The following CXXC4 variants were observed in gnomAD, a reference collection of about 807,000 sequenced individuals.
The protein encoded by CXXC4 is CXXC-type zinc finger protein 4.
In CXXC4, 5 loss-of-function variants were observed where a neutral mutation model predicts 20.5. The ratio of observed to expected loss-of-function variants is 0.24; its 90% CI spans 0.13 to 0.51. The LOEUF (loss-of-function observed/expected upper bound fraction) is 0.51, where lower values mean the gene tolerates loss of function less well. CXXC4 is among the 20% of genes least tolerant of loss of function. The pLI, the probability that CXXC4 is intolerant of heterozygous loss-of-function variation, is 0.97. For synonymous variants in CXXC4, 250 were observed against 216.4 expected, an observed-to-expected ratio of 1.16 and a Z score of -1.36; for missense variants, 419 against 496.4, an observed-to-expected ratio of 0.84 and a Z score of 1.48.
rs1016313216 is a variant in CXXC4 at position 104,487,182 on chromosome 4, C to G, written c.1059+3562G>C. On this transcript the variant is annotated intron_variant, in intron 2 of 2. Coordinates refer to ENST00000394767, the MANE Select transcript of CXXC4 (RefSeq NM_025212.4). ...ATGTCTTCACTATAACCTGCTCTCTCTAGTTTCTTCTCCAGCTCAAGGAAA... is the reference window on the plus strand; with the variant it reads ...ATGTCTTCACTATAACCTGCTCTCTGTAGTTTCTTCTCCAGCTCAAGGAAA... Among the ~76,000 whole-genome samples the G allele has an allele frequency of 7.2e-5, 11 of 152,234 alleles. No individual in the cohort carries two copies. In the East Asian group the frequency reaches 1.9e-3, roughly 27 times the overall value.
At chr4:104,473,056 C>CT (rs1444449171) in intron 2 of CXXC4, among the ~76,000 whole-genome samples, 7 of 151,450 alleles carry the variant, frequency 4.6e-5, no homozygotes, top group African/African-American at 1.7e-4. Context: ...ATAGAAATCA[C>CT]AATATATATA....
At chr4:104,478,878 AAG>A (rs1448496178) in intron 2 of CXXC4, among the ~76,000 whole-genome samples, 1 of 152,088 alleles carries the variant, frequency 6.6e-6, no homozygotes, top group African/African-American at 2.4e-5. Context: ...CTATACTTTC[AAG>A]AATGATTGAA....
chr4:104,484,758 C>A (rs1736640776), intron 2 of CXXC4, among the ~76,000 whole-genome samples: 1 of 152,042 alleles, frequency 6.6e-6, no homozygotes, highest in African/African-American at 2.4e-5. Flanking sequence ...AAGTCTTCAA[C>A]ATTATTAAAT....
intron 2 of CXXC4, among the ~76,000 whole-genome samples, chr4:104,484,307 T>C (rs1362693094): frequency 1.3e-5 from 2 of 152,034 alleles, no homozygotes; most frequent in African/African-American, 2.4e-5. Flanking sequence ...GTACCTAACA[T>C]TGTTCAACTA....
chr4:104,474,626 G>A (rs1467580690), intron 2 of CXXC4, among the ~76,000 whole-genome samples: 1 of 151,818 alleles, frequency 6.6e-6, no homozygotes, highest in Non-Finnish European at 1.5e-5. Context: ...TAGATCTATG[G>A]TTACAGATTC....
At chr4:104,485,064 A>C (rs1736648486) in intron 2 of CXXC4, among the ~76,000 whole-genome samples, 1 of 152,092 alleles carries the variant, frequency 6.6e-6, no homozygotes, top group Non-Finnish European at 1.5e-5. Context: ...CAAAATTCTC[A>C]AAATTTACAT....
In CXXC4 at chr4:104,491,871, A is replaced by T; in HGVS notation, c.-69T>A. 9.1e-6 allele frequency: 3 copies of T among 331,146 alleles called. No individual in the cohort carries two copies. Among genetic ancestry groups the T allele is most frequent in the Non-Finnish European group, 7.2e-6 (2 of 278,234 alleles). The allele number at this position is 331,146 out of a possible 1,614,324, so 20.5% of individuals were successfully genotyped here. ...GCCTGGTCCGACACCTGGGTGGAAA[A>T]GGGGGAAAGGTGGGGGGGAGGGAAG... On this transcript the variant is annotated 5_prime_UTR_variant, in exon 2 of 3. Coordinates refer to ENST00000394767, the MANE Select transcript of CXXC4 (RefSeq NM_025212.4).
chr4:104,487,268 C>A (rs975674397), intron 2 of CXXC4, among the ~76,000 whole-genome samples: 3 of 152,068 alleles, frequency 2.0e-5, no homozygotes, highest in East Asian at 1.9e-4. Context: ...GGAAGGGAAA[C>A]CTCCTGAGGC....
intron 2 of CXXC4, among the ~76,000 whole-genome samples, chr4:104,485,709 C>A (rs1044967458): frequency 6.6e-6 from 1 of 152,056 alleles, no homozygotes; most frequent in Non-Finnish European, 1.5e-5. Context: ...GGATCTTCAG[C>A]CTGGAACCTG....
At chr4:104,473,897 G>A (rs975673580) in intron 2 of CXXC4, among the ~76,000 whole-genome samples, 2 of 151,802 alleles carry the variant, frequency 1.3e-5, no homozygotes, top group Admixed American at 6.6e-5. Context: ...CGTGTTATTT[G>A]GTGGACATTG....
Position 104,491,882 on chromosome 4 carries a change from T to C in CXXC4, c.-80A>G. On this transcript the variant is annotated 5_prime_UTR_variant, in exon 2 of 3. Coordinates refer to ENST00000394767, the MANE Select transcript of CXXC4 (RefSeq NM_025212.4). ...CACCTGGGTGGAAAAGGGGGAAAGG[T>C]GGGGGGGAGGGAAGGGAGTGATGGT... The C allele has an allele frequency of 2.6e-5, 1 of 37,930 alleles. No homozygotes were observed. The highest frequency in any genetic ancestry group is 3.7e-5 in the Non-Finnish European group (1 of 26,676). 2.3% of individuals were successfully genotyped at this position (37,930 alleles called of 1,614,324 possible).
chr4:104,484,054 C>T (rs1012912279), intron 2 of CXXC4, among the ~76,000 whole-genome samples: 8 of 151,972 alleles, frequency 5.3e-5, no homozygotes, highest in Non-Finnish European at 7.4e-5. Flanking sequence ...CCACATACCA[C>T]TAATAGACAT....
intron 2 of CXXC4, among the ~76,000 whole-genome samples, chr4:104,480,761 C>A (rs1449727665): frequency 6.6e-6 from 1 of 151,986 alleles, no homozygotes; most frequent in Non-Finnish European, 1.5e-5. Context: ...TTTCTTTTTG[C>A]CAATACGCCC....
chr4:104,474,391 A>T (rs1736352355), intron 2 of CXXC4, among the ~76,000 whole-genome samples: 1 of 152,052 alleles, frequency 6.6e-6, no homozygotes, highest in South Asian at 2.1e-4. Context: ...TAATTTAATC[A>T]TTATTAAGAA....
chr4:104,476,339 G>GAA (rs1736405363), intron 2 of CXXC4, among the ~76,000 whole-genome samples: 1 of 152,122 alleles, frequency 6.6e-6, no homozygotes, highest in Non-Finnish European at 1.5e-5. Context: ...CAGTCACACG[G>GAA]AAAGTGGTAT....
chr4:104,493,460 A>G (rs1736957836), intron 1 of CXXC4, among the ~76,000 whole-genome samples: 2 of 152,192 alleles, frequency 1.3e-5, no homozygotes, highest in African/African-American at 2.4e-5. Flanking sequence ...TATGCTTATA[A>G]TTAGGTTAAT....
chr4:104,491,304 TGCTGCCGCCGCCGCCGCCGCCGCC>T lies in CXXC4; in HGVS notation c.475_498del (p.Gly159_Ser166del). 1 of 1,580,850 alleles carries T rather than the reference TGCTGCCGCCGCCGCCGCCGCCGCC, an allele frequency of 6.3e-7. No individual in the cohort carries two copies. The highest frequency in any genetic ancestry group is 8.6e-7 in the Non-Finnish European group (1 of 1,165,602). The stretch of plus-strand genomic sequence containing the variant: ...TCGTTTCGGTGGTGCATGCTGGTCC[TGCTGCCGCCGCCGCCGCCGCCGCC>T]GCCACCGCCGGCGGGGAGGATCGCC... On this transcript the variant is annotated inframe_deletion, in exon 2 of 3. Coordinates refer to ENST00000394767, the MANE Select transcript of CXXC4 (RefSeq NM_025212.4).
intron 2 of CXXC4, among the ~76,000 whole-genome samples, chr4:104,474,043 T>C (rs191039145): frequency 6.6e-6 from 1 of 151,960 alleles, no homozygotes; most frequent in Non-Finnish European, 1.5e-5. Context: ...TAAAAGACTG[T>C]CCTCATCACA....
In CXXC4 at chr4:104,470,036, C is replaced by A. The variant is rs1204259029; in HGVS notation, c.*2286G>T. ...GCCTGAATAGAAGTTTGTTTCACTT[C>A]TGTAATAACAATCATCATTTTCCAA... On this transcript the variant is annotated 3_prime_UTR_variant, in exon 3 of 3. Transcript: ENST00000394767. The A allele has an allele frequency of 6.6e-6, 1 of 151,778 alleles. No individual in the cohort carries two copies. The highest frequency in any genetic ancestry group is 1.5e-5 in the Non-Finnish European group (1 of 67,920). 9.4% of individuals were successfully genotyped at this position (151,778 alleles called of 1,614,324 possible).
Sources: allele counts gnomAD v4.1 joint callset (sites outside exome capture counted in the v4.1 genomes callset), GRCh38; gene constraint gnomAD v4.1.1; transcripts MANE v1.5; gene names NCBI Gene and HGNC (gene_info 2026-07-23, HGNC 2026-07-21).